The following SMCHD1 variants were observed in gnomAD, a reference collection of about 807,000 sequenced individuals.
SMCHD1 encodes the protein structural maintenance of chromosomes flexible hinge domain containing 1.
In SMCHD1, 78 loss-of-function variants were observed where a neutral mutation model predicts 254.7. That is an observed-to-expected ratio of 0.31 (90% CI 0.26 to 0.37). SMCHD1 has a LOEUF of 0.37. Among genes scored for constraint, SMCHD1 ranks in the 10% least tolerant of loss-of-function variants. The pLI, the probability that SMCHD1 is intolerant of heterozygous loss-of-function variation, is 1.00. For synonymous variants in SMCHD1, 766 were observed against 794.9 expected, an observed-to-expected ratio of 0.96 and a Z score of 0.61; for missense variants, 1,840 against 2,408.1, an observed-to-expected ratio of 0.76 and a Z score of 4.94.
chr18:2,728,389 C>A, intron 22 of SMCHD1, 68 bp from the exon 23 acceptor site: 1 of 1,424,688 alleles, frequency 7.0e-7, no homozygotes, highest in Non-Finnish European at 9.6e-7. Context: ...AAAGTTATTT[C>A]TTTTGCTATT....
intron 19 of SMCHD1, among the ~76,000 whole-genome samples, chr18:2,722,152 G>A (rs2074939740): frequency 1.3e-5 from 2 of 152,114 alleles, no homozygotes; most frequent in South Asian, 4.1e-4. Flanking sequence ...TGCCTTTAAA[G>A]CTCTTTCCTA....
At chr18:2,725,091 T>C in intron 21 of SMCHD1, 96 bp downstream of exon 21, 1 of 705,042 alleles carries the variant, frequency 1.4e-6, no homozygotes, top group Non-Finnish European at 2.1e-6. Flanking sequence ...TGACCTATTT[T>C]TAAAAAACAG....
chr18:2,657,551 G>A (rs117172752), intron 1 of SMCHD1, among the ~76,000 whole-genome samples: 19 of 152,232 alleles, frequency 1.2e-4, no homozygotes, highest in Admixed American at 5.9e-4. Flanking sequence ...CCAGAGGGGG[G>A]AAACAAGTAA....
At chr18:2,681,629 T>C (rs1355605646) in intron 5 of SMCHD1, among the ~76,000 whole-genome samples, 1 of 149,468 alleles carries the variant, frequency 6.7e-6, no homozygotes, top group Non-Finnish European at 1.5e-5. Flanking sequence ...TACATAAACC[T>C]AGAAAATTCT....
intron 5 of SMCHD1, among the ~76,000 whole-genome samples, chr18:2,682,780 T>TAGGA (rs2073962845): frequency 6.6e-6 from 1 of 152,260 alleles, no homozygotes; most frequent in Non-Finnish European, 1.5e-5. Flanking sequence ...AGGAGATTAA[T>TAGGA]TTCCTAATTC....
intron 3 of SMCHD1, among the ~76,000 whole-genome samples, chr18:2,670,333 A>G (rs546191520): frequency 1.1e-4 from 17 of 151,952 alleles, no homozygotes; most frequent in African/African-American, 3.4e-4. Flanking sequence ...ACTTCCTCCA[A>G]GTCTTGGTTA....
chr18:2,735,960 A>G (rs2143512199), intron 25 of SMCHD1, among the ~76,000 whole-genome samples: 2 of 152,288 alleles, frequency 1.3e-5, no homozygotes, highest in East Asian at 3.9e-4. Flanking sequence ...GATTAATCCT[A>G]AGCAAAAATA....
intron 1 of SMCHD1, among the ~76,000 whole-genome samples, chr18:2,664,133 C>T (rs1419978528): frequency 6.6e-6 from 1 of 152,124 alleles, no homozygotes; most frequent in African/African-American, 2.4e-5. Flanking sequence ...ATTTACCACA[C>T]TAGGATCATT....
At chr18:2,669,247 G>C (rs74444497) in intron 3 of SMCHD1, among the ~76,000 whole-genome samples, 13,454 of 152,162 alleles carry the variant, frequency 0.088, 777 homozygotes, top group Middle Eastern at 0.19. Context: ...GGGAGGCAGA[G>C]GCAGGGGGAT....
At chr18:2,719,039 G>GA (rs1434111206) in intron 19 of SMCHD1, among the ~76,000 whole-genome samples, 2 of 151,100 alleles carry the variant, frequency 1.3e-5, no homozygotes, top group African/African-American at 2.4e-5. Context: ...AGTTTTAGGG[G>GA]AATCCCAGTT....
chr18:2,748,342 TTGTGTGTGTGTGTGTGTGTGTG>T (rs1199860810), intron 30 of SMCHD1, among the ~76,000 whole-genome samples: 2 of 78,430 alleles, frequency 2.6e-5, no homozygotes, highest in Non-Finnish European at 4.9e-5. Context: ...CTTTGCAAAG[TTGTGTGTGTGTGTGTGTGTGTG>T]TGTGTGTGTG....
chr18:2,665,684 C>T (rs996333361), intron 1 of SMCHD1, among the ~76,000 whole-genome samples: 1 of 152,154 alleles, frequency 6.6e-6, no homozygotes, highest in Non-Finnish European at 1.5e-5. Flanking sequence ...ACCTGTATGT[C>T]TTACAAAGCA....
chr18:2,656,752 C>A (rs1008446336), intron 1 of SMCHD1, among the ~76,000 whole-genome samples: 1 of 152,202 alleles, frequency 6.6e-6, no homozygotes, highest in African/African-American at 2.4e-5. Flanking sequence ...GCGGGGTGTC[C>A]CCGGGTTGCC....
intron 3 of SMCHD1, among the ~76,000 whole-genome samples, chr18:2,669,848 C>G (rs1159803332): frequency 2.0e-5 from 3 of 152,192 alleles, no homozygotes; most frequent in Non-Finnish European, 4.4e-5. Context: ...TTACTGTGTC[C>G]TTCCTGCTGC....
At position 2,679,480 on chromosome 18, in the gene SMCHD1, CAAAAAA is replaced by C. The variant is rs59034633; in HGVS notation, c.638+5349_638+5354del. Among the ~76,000 whole-genome samples the C allele has an allele frequency of 3.1e-4, 18 of 58,698 alleles. 1 individual carries two copies. The East Asian group carries it at 8.0e-3, about 26-fold the overall frequency. 38.5% of individuals were successfully genotyped at this position (58,698 alleles called of 152,430 possible). On this transcript the variant is annotated intron_variant, in intron 5 of 47. Coordinates refer to ENST00000320876, the MANE Select transcript of SMCHD1 (RefSeq NM_015295.3). ...GGGTGACAGAGCGAGACTCCATCTC[CAAAAAA>C]AAAAAAAAAAAAAGGAACTCTTGGT...
intron 5 of SMCHD1, among the ~76,000 whole-genome samples, chr18:2,677,265 C>G (rs2073774445): frequency 6.6e-6 from 1 of 152,104 alleles, no homozygotes; most frequent in Non-Finnish European, 1.5e-5. Flanking sequence ...ATTAGTTTAT[C>G]TGGTTTTTTA....
At chr18:2,776,009 A>G in intron 42 of SMCHD1, 85 bp downstream of exon 42, 4 of 1,160,764 alleles carry the variant, frequency 3.4e-6, no homozygotes, top group Non-Finnish European at 4.8e-6. Context: ...TGATTTCTCT[A>G]AAAGATACCT....
At position 2,750,371 on chromosome 18, in the gene SMCHD1, T is replaced by C. The variant is rs768593810; in HGVS notation, c.4029T>C (p.Val1343=). Residue 1343 remains valine, a synonymous_variant, in exon 32 of 48, where the codon GTT becomes GTC. Coordinates refer to ENST00000320876, the MANE Select transcript of SMCHD1 (RefSeq NM_015295.3). ...TTAGGGGAGAGCATACTCTTCAGGT[T>C]AAAGCCATCTATAACAAAAGTATCA... ...FAPRGEHTLQ[V]KAIYNKSIIE... is the part of the protein sequence containing the mutation. 6.2e-7 allele frequency: 1 copy of C among 1,612,738 alleles called. No homozygotes were observed. Among genetic ancestry groups the C allele is most frequent in the South Asian group, 1.1e-5 (1 of 90,956 alleles).
intron 8 of SMCHD1, 113 bp from the exon 9 acceptor site, chr18:2,696,919 C>T (rs2074297423): frequency 5.9e-6 from 3 of 509,672 alleles, no homozygotes; most frequent in South Asian, 3.0e-5. Flanking sequence ...TTTTAAAATG[C>T]TTAATAAAGT....
Sources: gnomAD v4.1 joint callset for allele counts (sites outside exome capture counted in the v4.1 genomes callset) on GRCh38, gnomAD v4.1.1 for gene constraint, MANE v1.5 for transcripts, NCBI Gene and HGNC (gene_info 2026-07-23, HGNC 2026-07-21) for gene names.